BAHCC1: variants seen among roughly 807,000 people sequenced by gnomAD.
BAHCC1 encodes the protein BAH domain and coiled-coil containing 1.
BAHCC1 carries 43 observed loss-of-function variants against 88.2 expected under a neutral mutation model. That is an observed-to-expected ratio of 0.49 (90% CI 0.38 to 0.63). The LOEUF is 0.63. Among genes scored for constraint, BAHCC1 ranks in the 20% least tolerant of loss-of-function variants. The pLI, the probability that BAHCC1 is intolerant of heterozygous loss-of-function variation, is 0.00. For missense variants in BAHCC1, 3,023 were observed against 1,654.8 expected, an observed-to-expected ratio of 1.83 and a Z score of -14.34; for synonymous variants, 1,510 against 745.5, an observed-to-expected ratio of 2.03 and a Z score of -16.71.
Position 81,461,260 on chromosome 17 carries a change from G to GTTCCTCA in BAHCC1, c.6597_6598insTTCCTCA (p.Arg2200PhefsTer8). On this transcript the variant is annotated frameshift_variant, in exon 26 of 28. Coordinates refer to ENST00000675386, the MANE Select transcript of BAHCC1 (RefSeq NM_001377448.1). ...GGGTGGAGGCCGAGAAGGGTGGGCG[G>GTTCCTCA]CGGCGGGCGGGCGGTGAGTTCCTGG... The GTTCCTCA allele has an allele frequency of 2.9e-6, 2 of 699,634 alleles. No homozygotes were observed. The highest frequency in any genetic ancestry group is 5.3e-6 in the Non-Finnish European group (2 of 380,418). The allele number at this position is 699,634 out of a possible 1,614,324, so 43.3% of individuals were successfully genotyped here. A position where few individuals can be genotyped will look rare whatever the true frequency, so the allele number is the denominator to read the frequency against.
At chr17:81,455,167 A>C in intron 14 of BAHCC1, 100 bp from the exon 15 acceptor site, 2 of 645,300 alleles carry the variant, frequency 3.1e-6, no homozygotes, top group Non-Finnish European at 5.7e-6. Flanking sequence ...CCCTTGGAGG[A>C]GGGTGACCCA....
chr17:81,432,585 CT>C, intron 3 of BAHCC1, among the ~76,000 whole-genome samples: 1 of 50,538 alleles, frequency 2.0e-5, no homozygotes, highest in Non-Finnish European at 4.3e-5. Flanking sequence ...CCACCCTCCC[CT>C]CCAGCCCTGG....
chr17:81,430,743 CCAGACCCCTT>C (rs1390216588), intron 3 of BAHCC1, among the ~76,000 whole-genome samples: 10 of 152,166 alleles, frequency 6.6e-5, no homozygotes, highest in Admixed American at 6.5e-4. Context: ...CTGCTTCCTC[CCAGACCCCTT>C]CAGCTCCTCC....
chr17:81,402,139 C>T (rs2063824651), intron 2 of BAHCC1: 1 of 152,214 alleles, frequency 6.6e-6, no homozygotes, highest in African/African-American at 2.4e-5. Context: ...CTCGGGGCTG[C>T]CTCTTTCAGG....
At chr17:81,405,619 T>C (rs2143215656) in intron 2 of BAHCC1, among the ~76,000 whole-genome samples, 1 of 152,274 alleles carries the variant, frequency 6.6e-6, no homozygotes, top group South Asian at 2.1e-4. Context: ...GGGCTGGGAA[T>C]TCCCAAGCAC....
intron 2 of BAHCC1, among the ~76,000 whole-genome samples, chr17:81,403,548 G>GA (rs1174368909): frequency 1.1e-4 from 16 of 149,610 alleles, no homozygotes; most frequent in Admixed American, 2.0e-4. Context: ...CTTGGCAGAG[G>GA]AAAAAAAAAG....
At chr17:81,412,046 C>T (rs1335286174) in intron 2 of BAHCC1, among the ~76,000 whole-genome samples, 1 of 152,262 alleles carries the variant, frequency 6.6e-6, no homozygotes, top group Non-Finnish European at 1.5e-5. Context: ...AGCTGGTGAC[C>T]CCCAGGAGGC....
Position 81,459,567 on chromosome 17 carries a change from G to A in BAHCC1, c.5868G>A (p.Gln1956=). The A allele has an allele frequency of 1.3e-6, 1 of 779,754 alleles. No individual in the cohort carries two copies. Among genetic ancestry groups the A allele is most frequent in the Non-Finnish European group, 2.4e-6 (1 of 417,912 alleles). 48.3% of individuals were successfully genotyped at this position (779,754 alleles called of 1,614,324 possible). The part of the protein sequence containing the change: ...PGTRVCAYWS[Q]KSRCLYPGNV... ...CGCGGGTCTGCGCCTACTGGAGTCA[G>A]AAGTCTCGATGTCTGTACCCGGGCA... The change falls in exon 23 of 28, where the codon CAG becomes CAA. Residue 1956 remains glutamine, a synonymous_variant. Transcript: ENST00000675386.
intron 18 of BAHCC1, 65 bp from the exon 19 acceptor site, chr17:81,458,556 G>A (rs1598512055): frequency 3.1e-6 from 2 of 636,338 alleles, no homozygotes; most frequent in East Asian, 2.8e-5. Context: ...TGGCCCCTGA[G>A]CTCTGGGTCA....
In BAHCC1 at chr17:81,411,901, C is replaced by T. The variant is rs1426935346; in HGVS notation, c.178+11984C>T. Reference sequence around the variant, plus strand: ...TTCCCTCCAGCTCAGCGCTTACCATCGTATCCCTGCATCCGAGGGTAGCTT... The same window carrying T: ...TTCCCTCCAGCTCAGCGCTTACCATTGTATCCCTGCATCCGAGGGTAGCTT... On this transcript the variant is annotated intron_variant, in intron 2 of 27. Transcript: ENST00000675386. This position sits in a 1 kb window ranked among gnomAD's most constrained non-coding sequence, Gnocchi z 6.2. 6.6e-6 allele frequency among the ~76,000 whole-genome samples: 1 copy of T among 152,314 alleles called. No individual in the cohort carries two copies. Among genetic ancestry groups the T allele is most frequent in the East Asian group, 1.9e-4 (1 of 5,182 alleles).
rs187036576 is a variant in BAHCC1 at position 81,423,658 on chromosome 17, G to A, written c.179-3142G>A. 1.6e-3 allele frequency among the ~76,000 whole-genome samples: 237 copies of A among 152,318 alleles called. 6 individuals carry two copies. The East Asian group carries it at 0.04, about 26-fold the overall frequency. On this transcript the variant is annotated intron_variant, in intron 2 of 27. Coordinates refer to ENST00000675386, the MANE Select transcript of BAHCC1 (RefSeq NM_001377448.1). Reference sequence around the variant, plus strand: ...AGGGTGCCTGGCTGGAGTGGGGGCCGCTCAGTGACAGCCTCAGACCACCCA... The same window carrying A: ...AGGGTGCCTGGCTGGAGTGGGGGCCACTCAGTGACAGCCTCAGACCACCCA...
intron 2 of BAHCC1, 39 bp from the exon 3 acceptor site, chr17:81,426,761 G>A: frequency 2.5e-6 from 1 of 398,480 alleles, no homozygotes; most frequent in Non-Finnish European, 4.4e-6. Context: ...CCACACCCTG[G>A]GAGCTGCCCC....
intron 17 of BAHCC1, 80 bp from the exon 18 acceptor site, chr17:81,458,085 G>A (rs1306467944): frequency 2.9e-6 from 2 of 691,930 alleles, no homozygotes; most frequent in Admixed American, 2.1e-5. Context: ...GTAACCAGGA[G>A]GGAGGACCGG....
intron 9 of BAHCC1, 78 bp downstream of exon 9, chr17:81,445,256 C>G: frequency 1.4e-6 from 1 of 720,286 alleles, no homozygotes. Flanking sequence ...TCCAGGAGAC[C>G]CCTGCATGCC....
At chr17:81,426,100 TGGTGGGTGA>T (rs2064193210) in intron 2 of BAHCC1, among the ~76,000 whole-genome samples, 1 of 144,184 alleles carries the variant, frequency 6.9e-6, no homozygotes, top group Non-Finnish European at 1.5e-5. Context: ...GTGGTGATAG[TGGTGGGTGA>T]TGTGGTTGGT....
intron 2 of BAHCC1, among the ~76,000 whole-genome samples, chr17:81,408,398 C>T (rs1555647245): frequency 6.6e-6 from 1 of 151,632 alleles, no homozygotes; most frequent in East Asian, 1.9e-4. Context: ...TGCCTCCCAC[C>T]CCCCAGGCTC....
Position 81,411,038 on chromosome 17 carries a change from G to C in BAHCC1, c.178+11121G>C. The C allele has an allele frequency of 1.9e-6, 1 of 517,888 alleles. No individual in the cohort carries two copies. Among genetic ancestry groups the C allele is most frequent in the Admixed American group, 1.9e-5 (1 of 51,384 alleles). 32.1% of individuals were successfully genotyped at this position (517,888 alleles called of 1,614,324 possible). The stretch of plus-strand genomic sequence containing the variant: ...GTCCATATGTCTGTGTGAAGGCCTG[G>C]GGCCCCCGTGCGCCTCCCCTCGGGC... On this transcript the variant is annotated intron_variant, in intron 2 of 27. Coordinates refer to ENST00000675386, the MANE Select transcript of BAHCC1 (RefSeq NM_001377448.1). This position sits in a 1 kb window ranked among gnomAD's most constrained non-coding sequence, Gnocchi z 6.2.
intron 2 of BAHCC1, chr17:81,422,872 C>T (rs1555649767): frequency 5.8e-6 from 2 of 342,286 alleles, no homozygotes; most frequent in South Asian, 4.2e-5. Flanking sequence ...CGAGGCGGGC[C>T]TGGGCGAGGC....
rs1555660102 is a variant in BAHCC1 at position 81,463,722 on chromosome 17, T to TGCCAGGACC, written c.7734_7742dup (p.Arg2581_Asp2583dup). On this transcript the variant is annotated inframe_insertion, in exon 28 of 28. Coordinates refer to ENST00000675386, the MANE Select transcript of BAHCC1 (RefSeq NM_001377448.1). ...TGAGCAGATGGCCCGGAGCCGCAAG[T>TGCCAGGACC]GCCAGGACCGGCAGGACCTCTACTA... is the stretch of plus-strand genomic sequence containing the variant. 1 of 779,416 alleles carries TGCCAGGACC rather than the reference T, an allele frequency of 1.3e-6. No individual in the cohort carries two copies. The highest frequency in any genetic ancestry group is 2.4e-5 in the East Asian group (1 of 41,244). The allele number at this position is 779,416 out of a possible 1,614,324, so 48.3% of individuals were successfully genotyped here.
Sources: gnomAD v4.1 joint callset for allele counts (sites outside exome capture counted in the v4.1 genomes callset) on GRCh38, gnomAD v4.1.1 for gene constraint, Gnocchi (gnomAD v3.1) non-coding constraint, MANE v1.5 for transcripts, NCBI Gene and HGNC (gene_info 2026-07-23, HGNC 2026-07-21) for gene names.